Variants in SUGCT observed in about 807,000 individuals in gnomAD.
The protein encoded by SUGCT is succinyl-CoA:glutarate-CoA transferase.
A neutral mutation model predicts 55.0 loss-of-function variants in SUGCT; 41 were observed. The observed-to-expected ratio is 0.74, with a 90% CI of 0.58 to 0.97. The LOEUF (loss-of-function observed/expected upper bound fraction) is 0.97, where lower values mean the gene tolerates loss of function less well. SUGCT is among the 50% of genes least tolerant of loss of function. The pLI, the probability that SUGCT is intolerant of heterozygous loss-of-function variation, is 0.00. For synonymous variants in SUGCT, 187 were observed against 200.4 expected (o/e 0.93, Z 0.56); for missense variants, 568 against 547.8 (o/e 1.04, Z -0.37).
intron 12 of SUGCT, among the ~76,000 whole-genome samples, chr7:40,747,250 G>T (rs905484930): frequency 2.6e-5 from 4 of 152,152 alleles, no homozygotes; most frequent in Non-Finnish European, 4.4e-5. Flanking sequence ...CACCCGAAAA[G>T]TGGTAACCAT....
At chr7:40,699,386 AG>A (rs1785077320) in intron 12 of SUGCT, among the ~76,000 whole-genome samples, 1 of 152,278 alleles carries the variant, frequency 6.6e-6, no homozygotes, top group African/African-American at 2.4e-5. Flanking sequence ...GTGAGAAGAA[AG>A]GGAGCTCAGG....
chr7:40,949,593 C>T, the SUGCT span, among the ~76,000 whole-genome samples: 1 of 152,124 alleles, frequency 6.6e-6, no homozygotes, highest in Admixed American at 6.5e-5. Context: ...TTTAGGTCTA[C>T]CATTTAAGTC....
chr7:40,387,701 C>G (rs1456087817), intron 9 of SUGCT, among the ~76,000 whole-genome samples: 1 of 151,982 alleles, frequency 6.6e-6, no homozygotes, highest in Non-Finnish European at 1.5e-5. Context: ...ATAATAATAC[C>G]TACTATGTAG....
At chr7:40,195,133 C>G in intron 6 of SUGCT, 73 bp downstream of exon 6, 11 of 1,352,788 alleles carry the variant, frequency 8.1e-6, no homozygotes, top group African/African-American at 1.7e-5. Flanking sequence ...TATAAGAAAC[C>G]TTTTGCTGGC....
At chr7:41,007,722 G>A in the SUGCT span, among the ~76,000 whole-genome samples, 3 of 144,572 alleles carry the variant, frequency 2.1e-5, no homozygotes, top group Non-Finnish European at 4.5e-5. Flanking sequence ...AAAGAAAGGG[G>A]AAATTAACAT....
intron 12 of SUGCT, among the ~76,000 whole-genome samples, chr7:40,637,249 G>A (rs531759380): frequency 6.6e-6 from 1 of 152,308 alleles, no homozygotes; most frequent in Admixed American, 6.5e-5. Context: ...AATGGGAAAA[G>A]CCAGATATCC....
At chr7:40,375,289 A>G (rs550815646) in intron 9 of SUGCT, among the ~76,000 whole-genome samples, 1 of 152,294 alleles carries the variant, frequency 6.6e-6, no homozygotes, top group East Asian at 1.9e-4. Context: ...GTTTAGAAAG[A>G]TGCAATCAAG....
chr7:40,271,340 A>G (rs1015021390), intron 7 of SUGCT, among the ~76,000 whole-genome samples: 6 of 152,104 alleles, frequency 3.9e-5, no homozygotes, highest in Middle Eastern at 3.4e-3. Context: ...TATGTTGTGC[A>G]GTCTGGGCTC....
intron 12 of SUGCT, among the ~76,000 whole-genome samples, chr7:40,630,098 C>G (rs913133188): frequency 1.3e-5 from 2 of 152,234 alleles, no homozygotes; most frequent in African/African-American, 2.4e-5. Context: ...TCCTCCTCAA[C>G]CAGCCAGAGC....
chr7:40,324,704 T>A (rs1795944040), intron 9 of SUGCT, among the ~76,000 whole-genome samples: 1 of 152,202 alleles, frequency 6.6e-6, no homozygotes, highest in Non-Finnish European at 1.5e-5. Context: ...AGCCCTCTAC[T>A]GTCTATTCTA....
chr7:40,652,861 CA>C lies in SUGCT; in HGVS notation c.1090-96570del, dbSNP rs1247902742. Among the ~76,000 whole-genome samples the C allele has an allele frequency of 3.3e-5, 5 of 152,284 alleles. No individual in the cohort carries two copies. The East Asian group carries it at 9.7e-4, about 29-fold the overall frequency. On this transcript the variant is annotated intron_variant, in intron 12 of 13. Transcript: ENST00000335693. ...AAAGCACCTTAATGACCTTCTTATC[CA>C]AACTCCCTTCTTGTGGAATATTTGA...
At chr7:40,451,932 C>A (rs1027582071) in intron 10 of SUGCT, among the ~76,000 whole-genome samples, 1 of 152,178 alleles carries the variant, frequency 6.6e-6, no homozygotes, top group Non-Finnish European at 1.5e-5. Context: ...TCACAGTGAG[C>A]CCCTCAAAAC....
chr7:40,462,317 G>A (rs549550186), intron 11 of SUGCT, among the ~76,000 whole-genome samples: 8 of 152,282 alleles, frequency 5.3e-5, no homozygotes, highest in African/African-American at 1.9e-4. Context: ...AGTGTGCTTG[G>A]ATCTGAGGGA....
chr7:40,878,045 C>G, the SUGCT span, among the ~76,000 whole-genome samples: 1 of 152,200 alleles, frequency 6.6e-6, no homozygotes, highest in African/African-American at 2.4e-5. Context: ...ATTTCTCTTT[C>G]CCTTCTTGGG....
At chr7:40,547,002 A>G (rs965847646) in intron 12 of SUGCT, 1 of 152,186 alleles carries the variant, frequency 6.6e-6, no homozygotes, top group Non-Finnish European at 1.5e-5. Flanking sequence ...AATAAGAGAT[A>G]TATCTCCTAT....
chr7:40,404,926 A>C (rs1225233136), intron 9 of SUGCT, among the ~76,000 whole-genome samples: 1 of 152,196 alleles, frequency 6.6e-6, no homozygotes, highest in African/African-American at 2.4e-5. Context: ...AGTGGTTTCT[A>C]TTCCTAATTC....
chr7:41,019,991 A>G, the SUGCT span, among the ~76,000 whole-genome samples: 1 of 152,236 alleles, frequency 6.6e-6, no homozygotes, highest in African/African-American at 2.4e-5. Context: ...ATTCACCAAC[A>G]TAAAGGTCCT....
In SUGCT at chr7:40,150,419, A is replaced by G. The variant is rs113710038; in HGVS notation, c.100+15299A>G. On this transcript the variant is annotated intron_variant, in intron 1 of 13. Transcript: ENST00000335693. Reference sequence around the variant, plus strand: ...CACGGTGGCTCACGCCTGTAATCCCAGCACTTTGGGAGGCTAAGGCAGGCG... The same window carrying G: ...CACGGTGGCTCACGCCTGTAATCCCGGCACTTTGGGAGGCTAAGGCAGGCG... Among the ~76,000 whole-genome samples, 805 of 152,324 alleles carry G rather than the reference A, an allele frequency of 5.3e-3. 11 individuals are homozygous for G. The highest frequency in any genetic ancestry group is 0.018 in the African/African-American group (757 of 41,560).
At chr7:40,730,543 TG>T (rs1786840424) in intron 12 of SUGCT, among the ~76,000 whole-genome samples, 1 of 152,240 alleles carries the variant, frequency 6.6e-6, no homozygotes, top group African/African-American at 2.4e-5. Context: ...CTTATTTTTT[TG>T]TGGGTGAGAA....
Sources: allele counts gnomAD v4.1 joint callset (sites outside exome capture counted in the v4.1 genomes callset), GRCh38; gene constraint gnomAD v4.1.1; transcripts MANE v1.5; gene names NCBI Gene and HGNC (gene_info 2026-07-23, HGNC 2026-07-21).